ICA1L: variants seen among roughly 807,000 people sequenced by gnomAD.
ICA1L encodes the protein islet cell autoantigen 1-like protein.
In ICA1L, 50 loss-of-function variants were observed where a neutral mutation model predicts 61.3. That is an observed-to-expected ratio of 0.82 (90% CI 0.65 to 1.03). The LOEUF is 1.03. Ranked by LOEUF, ICA1L falls within the 50% of genes least tolerant of loss-of-function variation. The pLI, the probability that ICA1L is intolerant of heterozygous loss-of-function variation, is 0.00. For synonymous variants in ICA1L, 161 were observed against 191.3 expected, an observed-to-expected ratio of 0.84 and a Z score of 1.31; for missense variants, 508 against 556.7, an observed-to-expected ratio of 0.91 and a Z score of 0.88.
intron 10 of ICA1L, among the ~76,000 whole-genome samples, chr2:202,795,697 A>G (rs1180719764): frequency 6.6e-6 from 1 of 152,172 alleles, no homozygotes; most frequent in Non-Finnish European, 1.5e-5. Context: ...AAAGAAATAT[A>G]GTATATGACA....
intron 1 of ICA1L, among the ~76,000 whole-genome samples, chr2:202,848,827 T>A (rs754933957): frequency 6.6e-6 from 1 of 152,112 alleles, no homozygotes; most frequent in African/African-American, 2.4e-5. Flanking sequence ...CATAAAATTA[T>A]AACGGAGCAG....
At chr2:202,826,351 CAAAATTAAGCACGTG>C (rs1188717943) in intron 2 of ICA1L, among the ~76,000 whole-genome samples, 2 of 152,092 alleles carry the variant, frequency 1.3e-5, no homozygotes, top group African/African-American at 4.8e-5. Flanking sequence ...ACTCTCATTT[CAAAATTAAGCACGTG>C]AAAATTTGAG....
intron 11 of ICA1L, 44 bp from the exon 12 acceptor site, chr2:202,786,051 G>A: frequency 9.2e-7 from 1 of 1,085,346 alleles, no homozygotes; most frequent in South Asian, 1.3e-5. Flanking sequence ...AATCAAATAG[G>A]AAGCAGCATC....
At chr2:202,838,011 G>A (rs1157791571) in intron 1 of ICA1L, among the ~76,000 whole-genome samples, 1 of 151,868 alleles carries the variant, frequency 6.6e-6, no homozygotes, top group Non-Finnish European at 1.5e-5. Flanking sequence ...CCACCACCAC[G>A]CCTGGCTAAT....
intron 1 of ICA1L, among the ~76,000 whole-genome samples, chr2:202,848,122 C>T (rs1396519304): frequency 1.3e-5 from 2 of 151,864 alleles, no homozygotes; most frequent in East Asian, 1.9e-4. Context: ...GCCACCATGC[C>T]CGGCTAATTT....
chr2:202,821,924 A>G (rs933733348), intron 3 of ICA1L, among the ~76,000 whole-genome samples: 5 of 152,094 alleles, frequency 3.3e-5, no homozygotes, highest in Admixed American at 1.3e-4. Context: ...GGTATCGCAG[A>G]CTCACAGATG....
intron 1 of ICA1L, among the ~76,000 whole-genome samples, chr2:202,861,885 A>G (rs1468924022): frequency 1.4e-5 from 2 of 146,110 alleles, no homozygotes; most frequent in African/African-American, 2.5e-5. Flanking sequence ...TTCAGACTCA[A>G]AAAAAAAAAA....
intron 6 of ICA1L, 112 bp from the exon 7 acceptor site, chr2:202,816,121 A>G (rs1300117367): frequency 3.3e-6 from 2 of 602,046 alleles, no homozygotes; most frequent in Non-Finnish European, 5.5e-6. Flanking sequence ...AATAAGAAGC[A>G]GGAACTAAAT....
intron 11 of ICA1L, among the ~76,000 whole-genome samples, 154 bp from the exon 12 acceptor site, chr2:202,786,161 A>G (rs1478546621): frequency 1.3e-5 from 2 of 152,268 alleles, no homozygotes; most frequent in African/African-American, 2.4e-5. Flanking sequence ...ATCTATAGTC[A>G]TATATTTTAA....
chr2:202,779,437 C>A lies in ICA1L; in HGVS notation c.*96G>T. 1 of 694,636 alleles carries A rather than the reference C, an allele frequency of 1.4e-6. No homozygotes were observed. Among genetic ancestry groups the A allele is most frequent in the Admixed American group, 3.0e-5 (1 of 33,668 alleles). 43.0% of individuals were successfully genotyped at this position (694,636 alleles called of 1,614,324 possible). A position where few individuals can be genotyped will look rare whatever the true frequency, so the allele number is the denominator to read the frequency against. ...AGGTGTTATATTCACAAACACCGTGCTTTTGTGTGCGGGTTACAATCTAAA... is the reference window on the plus strand; with the variant it reads ...AGGTGTTATATTCACAAACACCGTGATTTTGTGTGCGGGTTACAATCTAAA... On this transcript the variant is annotated 3_prime_UTR_variant, in exon 13 of 13. Transcript: ENST00000358299.
intron 1 of ICA1L, among the ~76,000 whole-genome samples, chr2:202,853,654 A>G (rs1462470179): frequency 2.0e-5 from 3 of 151,920 alleles, no homozygotes; most frequent in African/African-American, 7.3e-5. Flanking sequence ...ACTCAAACAA[A>G]TTTACAAGAA....
chr2:202,789,078 T>G lies in ICA1L; in HGVS notation c.995A>C (p.Asp332Ala). The change falls in exon 11 of 13, where the codon GAT (aspartate) becomes GCT (alanine). Residue 332 changes from aspartate (D) to alanine (A), a missense_variant. Physicochemically the swap from Asp to Ala is moderately radical, Grantham distance 126. Coordinates refer to ENST00000358299, the MANE Select transcript of ICA1L (RefSeq NM_001288622.3). ...QFSNSENVAK[D>A]LPVDSLEGED... Reference sequence around the variant, plus strand: ...TCCTTCCAATGAATCTACAGGTAGATCTTTTGCAACTATTGAGTGTAAATA... The same window carrying G: ...TCCTTCCAATGAATCTACAGGTAGAGCTTTTGCAACTATTGAGTGTAAATA... 6.2e-7 allele frequency: 1 copy of G among 1,607,910 alleles called. No homozygotes were observed. The highest frequency in any genetic ancestry group is 8.5e-7 in the Non-Finnish European group (1 of 1,177,960).
chr2:202,780,760 G>A (rs1416039812), intron 12 of ICA1L, among the ~76,000 whole-genome samples: 1 of 152,138 alleles, frequency 6.6e-6, no homozygotes, highest in Non-Finnish European at 1.5e-5. Context: ...TGTGTGTCCA[G>A]TTCTGTTTCT....
In ICA1L at chr2:202,785,990, C is replaced by G. The variant is rs768295075; in HGVS notation, c.1261G>C (p.Glu421Gln). 6.2e-7 allele frequency: 1 copy of G among 1,606,242 alleles called. No homozygotes were observed. Among genetic ancestry groups the G allele is most frequent in the Admixed American group, 1.7e-5 (1 of 59,798 alleles). ...GTGTGTGAAAGACAAAGTTCTGATT[C>G]CTCTTGGGAGACCCAGTCTGGGATA... ...GAFNNWVSQE[E>Q]SELCLSHTDN... Residue 421 changes from glutamate to glutamine, a missense_variant, in exon 12 of 13, where the codon GAA becomes CAA. By Grantham distance (29) the Glu-to-Gln change is conservative. Coordinates refer to ENST00000358299, the MANE Select transcript of ICA1L (RefSeq NM_001288622.3).
At chr2:202,814,852 G>T in intron 7 of ICA1L, 68 bp from the exon 8 acceptor site, 1 of 1,058,102 alleles carries the variant, frequency 9.5e-7, no homozygotes, top group Non-Finnish European at 1.4e-6. Context: ...CAAAGAAAAT[G>T]AGAATATAAA....
chr2:202,860,943 T>C (rs767717939), intron 1 of ICA1L, among the ~76,000 whole-genome samples: 5 of 151,420 alleles, frequency 3.3e-5, no homozygotes, highest in African/African-American at 7.3e-5. Context: ...CAAGAAGACA[T>C]AGCAGGCCAG....
chr2:202,831,531 C>T (rs947453914), intron 1 of ICA1L, among the ~76,000 whole-genome samples: 1 of 152,138 alleles, frequency 6.6e-6, no homozygotes, highest in African/African-American at 2.4e-5. Flanking sequence ...ATTCGAAGAA[C>T]AAAATACTAG....
At chr2:202,851,266 T>G (rs1262971947) in intron 1 of ICA1L, among the ~76,000 whole-genome samples, 1 of 151,846 alleles carries the variant, frequency 6.6e-6, no homozygotes, top group Non-Finnish European at 1.5e-5. Flanking sequence ...GCAGTGTTTG[T>G]TTTTTTGTCC....
At chr2:202,804,800 G>T (rs1693179993) in intron 9 of ICA1L, among the ~76,000 whole-genome samples, 1 of 152,084 alleles carries the variant, frequency 6.6e-6, no homozygotes. Context: ...CAAATAATTA[G>T]TGTCATAAGA....
Sources: allele counts gnomAD v4.1 joint callset (sites outside exome capture counted in the v4.1 genomes callset), GRCh38; gene constraint gnomAD v4.1.1; transcripts MANE v1.5; gene names NCBI Gene and HGNC (gene_info 2026-07-23, HGNC 2026-07-21).